Variants in EIF2AK1 observed in about 807,000 individuals in gnomAD.
The protein encoded by EIF2AK1 is eukaryotic translation initiation factor 2-alpha kinase 1.
In EIF2AK1, 54 loss-of-function variants were observed where a neutral mutation model predicts 77.9. That is an observed-to-expected ratio of 0.69 (90% CI 0.56 to 0.87). The LOEUF (loss-of-function observed/expected upper bound fraction) is 0.87. Ranked by LOEUF, EIF2AK1 falls within the 40% of genes least tolerant of loss-of-function variation. The pLI, the probability that EIF2AK1 is intolerant of heterozygous loss-of-function variation, is 0.00. For synonymous variants in EIF2AK1, 314 were observed against 290.5 expected, an observed-to-expected ratio of 1.08 and a Z score of -0.82; for missense variants, 810 against 768.6, an observed-to-expected ratio of 1.05 and a Z score of -0.64.
intron 9 of EIF2AK1, among the ~76,000 whole-genome samples, chr7:6,039,886 G>C (rs1034706563): frequency 1.3e-5 from 2 of 151,930 alleles, no homozygotes; most frequent in South Asian, 2.1e-4. Context: ...TCAGTGAGCC[G>C]AGATCATGCC....
Position 6,035,776 on chromosome 7 carries a change from T to C in EIF2AK1, c.1332+1648A>G, listed in dbSNP as rs1215297920. The stretch of plus-strand genomic sequence containing the variant: ...GCCGCAAACATGCTGAATAAGGAGA[T>C]GATGGAAACGCTCATTGCCTATGGA... On this transcript the variant is annotated intron_variant, in intron 11 of 14. Coordinates refer to ENST00000199389, the MANE Select transcript of EIF2AK1 (RefSeq NM_014413.4). The surrounding 1 kb of genome is among the most constrained non-coding windows in gnomAD (Gnocchi z 5.5). The C allele has an allele frequency of 6.4e-7, 1 of 1,551,108 alleles. No individual in the cohort carries two copies. The highest frequency in any genetic ancestry group is 2.4e-5 in the East Asian group (1 of 40,928).
chr7:6,040,874 T>A lies in EIF2AK1; in HGVS notation c.1119+18A>T. The A allele has an allele frequency of 6.2e-7, 1 of 1,605,478 alleles. No individual in the cohort carries two copies. Among genetic ancestry groups the A allele is most frequent in the Non-Finnish European group, 8.5e-7 (1 of 1,173,016 alleles). On this transcript the variant is annotated intron_variant, in intron 9 of 14. Transcript: ENST00000199389. Reference sequence around the variant, plus strand: ...ACCAATACTGGCCAAATTAGGAGGGTCTGGGAAAGTAATCTACCTCTGTCT... The same window carrying A: ...ACCAATACTGGCCAAATTAGGAGGGACTGGGAAAGTAATCTACCTCTGTCT...
chr7:6,037,394 G>A, intron 11 of EIF2AK1, 30 bp downstream of exon 11: 1 of 1,457,226 alleles, frequency 6.9e-7, no homozygotes, highest in Non-Finnish European at 9.6e-7. Context: ...AGCTCCCACT[G>A]CTTTCAATGA....
chr7:6,048,574 C>G (rs571043480), intron 4 of EIF2AK1, among the ~76,000 whole-genome samples: 12 of 152,236 alleles, frequency 7.9e-5, no homozygotes, highest in Admixed American at 3.3e-4. Context: ...TATCAGGAAT[C>G]TGAATTAACA....
chr7:6,022,930 C>T lies in EIF2AK1; in HGVS notation c.*1743G>A, dbSNP rs1027846296. 3 of 207,640 alleles carry T rather than the reference C, an allele frequency of 1.4e-5. No homozygotes were observed. The highest frequency in any genetic ancestry group is 1.9e-5 in the Non-Finnish European group (2 of 103,312). 12.9% of individuals were successfully genotyped at this position (207,640 alleles called of 1,614,324 possible). ...TTCATGTCATTCATATCTTAATTGC[C>T]CTCAGTCTCACAGAAGGCGATTATG... On this transcript the variant is annotated 3_prime_UTR_variant, in exon 15 of 15. Transcript: ENST00000199389.
Position 6,036,474 on chromosome 7 carries a change from C to T in EIF2AK1, c.1332+950G>A. On this transcript the variant is annotated intron_variant, in intron 11 of 14. Transcript: ENST00000199389. The surrounding 1 kb of genome is among the most constrained non-coding windows in gnomAD (Gnocchi z 4.6). ...AGACATGTCCCAGAAAATGCTTCAC[C>T]TATCACCTGTGACATCCCAAATGTA... 4.4e-6 allele frequency: 4 copies of T among 911,344 alleles called. No homozygotes were observed. Among genetic ancestry groups the T allele is most frequent in the Non-Finnish European group, 6.3e-6 (4 of 637,828 alleles). 56.5% of individuals were successfully genotyped at this position (911,344 alleles called of 1,614,324 possible). A position where few individuals can be genotyped will look rare whatever the true frequency, so the allele number is the denominator to read the frequency against.
chr7:6,024,961 C>G (rs1239162768), intron 14 of EIF2AK1, among the ~76,000 whole-genome samples, 160 bp from the exon 15 acceptor site: 1 of 151,890 alleles, frequency 6.6e-6, no homozygotes, highest in Non-Finnish European at 1.5e-5. Context: ...GCCTCAGCCA[C>G]CCAAGTAGCT....
At chr7:6,055,811 T>A (rs960430308) in intron 1 of EIF2AK1, among the ~76,000 whole-genome samples, 1 of 148,998 alleles carries the variant, frequency 6.7e-6, no homozygotes, top group Non-Finnish European at 1.5e-5. Flanking sequence ...AGAAACCCTG[T>A]CTCTACGAAA....
intron 9 of EIF2AK1, 50 bp from the exon 10 acceptor site, chr7:6,038,721 T>C (rs370876932): frequency 1.4e-6 from 2 of 1,468,230 alleles, no homozygotes; most frequent in African/African-American, 1.4e-5. Context: ...TTCACTCGCA[T>C]TATTCATTTA....
intron 13 of EIF2AK1, among the ~76,000 whole-genome samples, chr7:6,028,254 GT>G (rs10710249): frequency 0.8 from 111,047 of 137,996 alleles, 44,435 homozygotes; most frequent in East Asian, 0.9. Flanking sequence ...TGTACTGTTT[GT>G]TTTTTTTTTT....
chr7:6,042,450 CAA>C (rs1156450907), intron 8 of EIF2AK1, among the ~76,000 whole-genome samples: 46 of 104,922 alleles, frequency 4.4e-4, no homozygotes, highest in Admixed American at 1.2e-3. Context: ...GACTCCATCT[CAA>C]AAAAAAAAAA....
chr7:6,055,465 A>C (rs1443773306), intron 1 of EIF2AK1, among the ~76,000 whole-genome samples: 2 of 151,974 alleles, frequency 1.3e-5, no homozygotes, highest in Non-Finnish European at 2.9e-5. Flanking sequence ...AATGCTCAAA[A>C]AATAATATAA....
intron 4 of EIF2AK1, 62 bp downstream of exon 4, chr7:6,048,745 A>G (rs761427538): frequency 5.4e-6 from 7 of 1,296,782 alleles, no homozygotes; most frequent in Non-Finnish European, 7.6e-6. Context: ...TCAAATCAGT[A>G]TTTTCTTAAT....
rs1290837970 is a variant in EIF2AK1, at chr7:6,036,453, A to AT, written c.1332+970dup. 4 of 1,200,088 alleles carry AT rather than the reference A, an allele frequency of 3.3e-6. No individual in the cohort carries two copies. In the East Asian group the frequency reaches 1.0e-4, roughly 31 times the overall value. 74.3% of individuals were successfully genotyped at this position (1,200,088 alleles called of 1,614,324 possible). On this transcript the variant is annotated intron_variant, in intron 11 of 14. Coordinates refer to ENST00000199389, the MANE Select transcript of EIF2AK1 (RefSeq NM_014413.4). The surrounding 1 kb of genome is among the most constrained non-coding windows in gnomAD (Gnocchi z 4.6). ...CTCAAACTGCATTTTCTGGCTAGACATGTCCCAGAAAATGCTTCACCTATC... is the reference window on the plus strand; with the variant it reads ...CTCAAACTGCATTTTCTGGCTAGACATTGTCCCAGAAAATGCTTCACCTATC...
chr7:6,029,262 G>A (rs1356014873), intron 11 of EIF2AK1, among the ~76,000 whole-genome samples: 1 of 152,176 alleles, frequency 6.6e-6, no homozygotes, highest in African/African-American at 2.4e-5. Context: ...CACTTTGGGA[G>A]ACTGAGGCAG....
chr7:6,041,542 C>T (rs1425705068), intron 8 of EIF2AK1, among the ~76,000 whole-genome samples: 6 of 143,094 alleles, frequency 4.2e-5, no homozygotes, highest in African/African-American at 1.6e-4. Context: ...GACTCCGTCT[C>T]CAAGAAAAAA....
rs1583506373 is a variant in EIF2AK1 at position 6,059,159 on chromosome 7, C to G, written c.-76G>C. On this transcript the variant is annotated 5_prime_UTR_variant, in exon 1 of 15. Coordinates refer to ENST00000199389, the MANE Select transcript of EIF2AK1 (RefSeq NM_014413.4). Reference sequence around the variant, plus strand: ...CCACACTCCGATGCTGCAGCTAGCGCCGTCCGACCCGGAAGTAACCCCTCA... The same window carrying G: ...CCACACTCCGATGCTGCAGCTAGCGGCGTCCGACCCGGAAGTAACCCCTCA... The G allele has an allele frequency of 9.7e-7, 1 of 1,030,816 alleles. No homozygotes were observed. Among genetic ancestry groups the G allele is most frequent in the Non-Finnish European group, 1.3e-6 (1 of 774,258 alleles). The allele number at this position is 1,030,816 out of a possible 1,614,324, so 63.9% of individuals were successfully genotyped here.
chr7:6,029,923 T>C (rs1055457663), intron 11 of EIF2AK1, among the ~76,000 whole-genome samples: 2 of 151,882 alleles, frequency 1.3e-5, no homozygotes, highest in African/African-American at 4.8e-5. Flanking sequence ...GAGGTTGCAG[T>C]GAGACGAGAT....
chr7:6,023,580 A>G lies in EIF2AK1; in HGVS notation c.*1093T>C. 6.2e-7 allele frequency: 1 copy of G among 1,614,092 alleles called. No homozygotes were observed. Reference sequence around the variant, plus strand: ...TAGCAGACGTGGTGCTGTGGTCTGTACTCCAGCAGATCGGAGGCTGCAGTG... The same window carrying G: ...TAGCAGACGTGGTGCTGTGGTCTGTGCTCCAGCAGATCGGAGGCTGCAGTG... On this transcript the variant is annotated 3_prime_UTR_variant, in exon 15 of 15. Coordinates refer to ENST00000199389, the MANE Select transcript of EIF2AK1 (RefSeq NM_014413.4).
Sources: allele counts gnomAD v4.1 joint callset (sites outside exome capture counted in the v4.1 genomes callset), GRCh38; gene constraint gnomAD v4.1.1; non-coding constraint Gnocchi (gnomAD v3.1); transcripts MANE v1.5; gene names NCBI Gene and HGNC (gene_info 2026-07-23, HGNC 2026-07-21).